Variants in GADL1 observed in about 807,000 individuals in gnomAD.
GADL1 encodes GAD like acidic amino acid decarboxylase 1, also known as acidic amino acid decarboxylase GADL1.
In GADL1, 71 loss-of-function variants were observed where a neutral mutation model predicts 69.5. The ratio of observed to expected loss-of-function variants is 1.02; its 90% CI spans 0.84 to 1.25. GADL1 has a LOEUF of 1.25. Ranked by LOEUF, GADL1 falls within the 50% of genes most tolerant of loss-of-function variation. The probability of loss-of-function intolerance (pLI) is 0.00; values close to 1 mark genes in which losing one functional copy is unlikely to be tolerated. For synonymous variants in GADL1, 254 were observed against 214.4 expected (o/e 1.18, Z -1.62); for missense variants, 737 against 631.8 (o/e 1.17, Z -1.79).
intron 1 of GADL1, among the ~76,000 whole-genome samples, chr3:30,892,967 C>T (rs1426468766): frequency 6.6e-6 from 1 of 152,236 alleles, no homozygotes; most frequent in Non-Finnish European, 1.5e-5. Flanking sequence ...AGCGATTCTC[C>T]TGCCTCAGCC....
chr3:30,770,818 GAAGA>G (rs1696401573), intron 14 of GADL1, among the ~76,000 whole-genome samples: 1 of 92,594 alleles, frequency 1.1e-5, no homozygotes, highest in Non-Finnish European at 1.9e-5. Context: ...AGAAACAAGA[GAAGA>G]GAGGCTGTTA....
intron 1 of GADL1, among the ~76,000 whole-genome samples, chr3:30,892,402 CTT>C (rs1484676985): frequency 6.6e-6 from 1 of 152,194 alleles, no homozygotes; most frequent in African/African-American, 2.4e-5. Context: ...GTCTTGTACT[CTT>C]TTAAGATACC....
intron 14 of GADL1, among the ~76,000 whole-genome samples, chr3:30,754,555 A>AGT (rs1022171607): frequency 6.6e-6 from 1 of 152,218 alleles, no homozygotes; most frequent in South Asian, 2.1e-4. Flanking sequence ...GATGACAAAG[A>AGT]GTGTATTACC....
intron 11 of GADL1, among the ~76,000 whole-genome samples, chr3:30,817,382 G>A (rs548158497): frequency 6.6e-6 from 1 of 152,176 alleles, no homozygotes; most frequent in South Asian, 2.1e-4. Context: ...ACCAATCATG[G>A]GTAAGTCATT....
intron 6 of GADL1, among the ~76,000 whole-genome samples, chr3:30,849,502 G>A (rs1698112324): frequency 6.6e-6 from 1 of 152,020 alleles, no homozygotes; most frequent in South Asian, 2.1e-4. Context: ...CTTTAGTGGA[G>A]AGTAAAATAA....
At chr3:30,875,604 G>A (rs1245896713) in intron 1 of GADL1, among the ~76,000 whole-genome samples, 1 of 151,872 alleles carries the variant, frequency 6.6e-6, no homozygotes. Flanking sequence ...AAGAATAGGA[G>A]GCAGAGGGTA....
At chr3:30,854,866 ATCTT>A (rs1406823816) in intron 3 of GADL1, 77 bp from the exon 4 acceptor site, 6 of 735,072 alleles carry the variant, frequency 8.2e-6, no homozygotes, top group Non-Finnish European at 1.4e-5. Flanking sequence ...ACATAAATGA[ATCTT>A]TCAGAAAATG....
At chr3:30,844,614 A>AGC (rs1698025236) in intron 6 of GADL1, 148 bp from the exon 7 acceptor site, 1 of 629,948 alleles carries the variant, frequency 1.6e-6, no homozygotes, top group African/African-American at 1.8e-5. Context: ...TGAGCTCCTT[A>AGC]GCATAGTGGT....
chr3:30,837,110 A>C (rs1310823020), intron 9 of GADL1, among the ~76,000 whole-genome samples: 1 of 152,020 alleles, frequency 6.6e-6, no homozygotes, highest in African/African-American at 2.4e-5. Flanking sequence ...GTTTTACTGA[A>C]AACCCAGAAG....
intron 14 of GADL1, among the ~76,000 whole-genome samples, chr3:30,733,490 A>T (rs1695495763): frequency 1.3e-5 from 2 of 152,142 alleles, no homozygotes; most frequent in African/African-American, 4.8e-5. Context: ...ATTGGCATGA[A>T]ATGTTCATAC....
intron 13 of GADL1, among the ~76,000 whole-genome samples, chr3:30,782,343 G>A (rs1696684679): frequency 6.6e-6 from 1 of 152,148 alleles, no homozygotes; most frequent in Non-Finnish European, 1.5e-5. Context: ...GAAGAGTGAT[G>A]AGATCTTGAA....
chr3:30,758,372 G>A (rs781100196), intron 14 of GADL1, among the ~76,000 whole-genome samples: 6 of 151,246 alleles, frequency 4.0e-5, no homozygotes, highest in African/African-American at 7.4e-5. Context: ...TCTTCCTTCC[G>A]TCAGATCTCC....
intron 9 of GADL1, among the ~76,000 whole-genome samples, chr3:30,835,139 A>C (rs1697853376): frequency 6.6e-6 from 1 of 152,116 alleles, no homozygotes; most frequent in Non-Finnish European, 1.5e-5. Context: ...AGAGGTGTTC[A>C]GGTAAATTGT....
rs144083275 is a variant in GADL1 at position 30,792,799 on chromosome 3, A to G, written c.1251-6393T>C. On this transcript the variant is annotated intron_variant, in intron 12 of 14. Transcript: ENST00000282538. ...CTATAGCAAAAGCACTTTAAGTTCT[A>G]TTTAGGTAAGAATATTTTCCCCAGA... Among the ~76,000 whole-genome samples, 38 of 152,242 alleles carry G rather than the reference A, an allele frequency of 2.5e-4. 1 individual carries two copies. The highest frequency in any genetic ancestry group is 6.5e-4 in the African/African-American group (27 of 41,542).
intron 14 of GADL1, among the ~76,000 whole-genome samples, chr3:30,752,093 G>A (rs1159242243): frequency 1.3e-5 from 2 of 148,476 alleles, no homozygotes; most frequent in Admixed American, 1.3e-4. Context: ...AAGTACTGCT[G>A]TGGTTTCTCA....
intron 4 of GADL1, 72 bp from the exon 5 acceptor site, chr3:30,851,013 C>T (rs1033033041): frequency 4.5e-5 from 40 of 891,508 alleles, no homozygotes; most frequent in Non-Finnish European, 6.8e-5. Context: ...CCAAGAAATG[C>T]ACAGAGTTCT....
intron 14 of GADL1, among the ~76,000 whole-genome samples, chr3:30,755,295 C>A (rs1173359944): frequency 1.4e-5 from 2 of 141,086 alleles, no homozygotes; most frequent in South Asian, 4.7e-4. Flanking sequence ...ATTTATTAAC[C>A]TGGATGCTTT....
At chr3:30,785,656 G>T (rs1696772684) in intron 13 of GADL1, among the ~76,000 whole-genome samples, 1 of 152,162 alleles carries the variant, frequency 6.6e-6, no homozygotes. Flanking sequence ...TTACAGGCGT[G>T]AGCCACTGTG....
intron 11 of GADL1, among the ~76,000 whole-genome samples, chr3:30,805,523 A>T (rs1014057179): frequency 1.3e-5 from 2 of 152,116 alleles, no homozygotes; most frequent in Admixed American, 6.6e-5. Context: ...GCATTTTGAG[A>T]TCTTTATGAA....
Sources: allele counts gnomAD v4.1 joint callset (sites outside exome capture counted in the v4.1 genomes callset), GRCh38; gene constraint gnomAD v4.1.1; transcripts MANE v1.5; gene names NCBI Gene and HGNC (gene_info 2026-07-23, HGNC 2026-07-21).